The following AGAP1 variants were observed in gnomAD, a reference collection of about 807,000 sequenced individuals.
The protein encoded by AGAP1 is arf-GAP with GTPase, ANK repeat and PH domain-containing protein 1.
In AGAP1, 29 loss-of-function variants were observed where a neutral mutation model predicts 105.3. The observed-to-expected ratio is 0.28, with a 90% CI of 0.21 to 0.38. AGAP1 has a LOEUF of 0.38. Among genes scored for constraint, AGAP1 ranks in the 10% least tolerant of loss-of-function variants. The probability of loss-of-function intolerance (pLI) is 1.00; values close to 1 mark genes in which losing one functional copy is unlikely to be tolerated. For synonymous variants in AGAP1, 509 were observed against 485.9 expected (o/e 1.05, Z -0.63); for missense variants, 998 against 1,165.1 (o/e 0.86, Z 2.09).
At position 235,965,086 on chromosome 2, in the gene AGAP1, G is replaced by A. The variant is rs114681828; in HGVS notation, c.1484-3376G>A. On this transcript the variant is annotated intron_variant, in intron 12 of 17. Transcript: ENST00000304032. This position sits in a 1 kb window ranked among gnomAD's most constrained non-coding sequence, Gnocchi z 5.8. ...TACACCTCGGGTACAGTTAACCAAGGAGGTTTACCAGATGTCCACCGTGGA... is the reference window on the plus strand; with the variant it reads ...TACACCTCGGGTACAGTTAACCAAGAAGGTTTACCAGATGTCCACCGTGGA... Among the ~76,000 whole-genome samples, 3 of 152,244 alleles carry A rather than the reference G, an allele frequency of 2.0e-5. No individual in the cohort carries two copies. The highest frequency in any genetic ancestry group is 4.4e-5 in the Non-Finnish European group (3 of 68,048).
At chr2:235,641,267 G>T (rs1351779757) in intron 1 of AGAP1, among the ~76,000 whole-genome samples, 2 of 151,282 alleles carry the variant, frequency 1.3e-5, no homozygotes, top group Non-Finnish European at 2.9e-5. Context: ...AACTGCAGAT[G>T]TATGTGTAAG....
At chr2:235,921,223 TTATC>T (rs1268725188) in intron 11 of AGAP1, among the ~76,000 whole-genome samples, 1 of 152,178 alleles carries the variant, frequency 6.6e-6, no homozygotes, top group African/African-American at 2.4e-5. Context: ...GTGATATAAA[TTATC>T]TACATTAAAT....
At chr2:235,863,329 C>T (rs1384264688) in intron 9 of AGAP1, among the ~76,000 whole-genome samples, 1 of 152,212 alleles carries the variant, frequency 6.6e-6, no homozygotes, top group Non-Finnish European at 1.5e-5. Flanking sequence ...ATAAGTGAAT[C>T]TGAAGTTTAT....
rs1157160383 is a variant in AGAP1 at position 235,586,980 on chromosome 2, AAAAC to A, written c.163+92137_163+92140del. 6.6e-6 allele frequency among the ~76,000 whole-genome samples: 1 copy of A among 152,238 alleles called. No individual in the cohort carries two copies. The highest frequency in any genetic ancestry group is 6.5e-5 in the Admixed American group (1 of 15,284). On this transcript the variant is annotated intron_variant, in intron 1 of 17. Transcript: ENST00000304032. This position sits in a 1 kb window ranked among gnomAD's most constrained non-coding sequence, Gnocchi z 4.2. ...TAGGGTGGCAGTTTTGAGTCCCATG[AAAAC>A]AAACACATTTACTCTGTCTAGCTCC...
At chr2:235,758,248 T>G (rs1490842533) in intron 6 of AGAP1, among the ~76,000 whole-genome samples, 2 of 152,192 alleles carry the variant, frequency 1.3e-5, no homozygotes, top group Non-Finnish European at 2.9e-5. Context: ...GCACTTGATA[T>G]ATGTTGAAAA....
In AGAP1 at chr2:236,111,776, T is replaced by G. The variant is rs1308147296; in HGVS notation, c.2115-8416T>G. Among the ~76,000 whole-genome samples the G allele has an allele frequency of 3.1e-4, 41 of 131,890 alleles. 1 individual carries two copies. The highest frequency in any genetic ancestry group is 4.0e-3 in the Middle Eastern group (1 of 252). The allele number at this position is 131,890 out of a possible 152,430, so 86.5% of individuals were successfully genotyped here. On this transcript the variant is annotated intron_variant, in intron 16 of 17. Transcript: ENST00000304032. ...CACTGCGCTCCAGCCTAGGCAACAGTGCGACTCTATCTCAAAAAAAAAAAA... is the reference window on the plus strand; with the variant it reads ...CACTGCGCTCCAGCCTAGGCAACAGGGCGACTCTATCTCAAAAAAAAAAAA...
Position 235,769,943 on chromosome 2 carries a change from G to A in AGAP1, c.673+19455G>A, listed in dbSNP as rs555594471. On this transcript the variant is annotated intron_variant, in intron 6 of 17. Coordinates refer to ENST00000304032, the MANE Select transcript of AGAP1 (RefSeq NM_001037131.3). The surrounding 1 kb of genome is among the most constrained non-coding windows in gnomAD (Gnocchi z 4.4). Reference sequence around the variant, plus strand: ...TATTTCTATTAAGATACACACTTATGTATGTTTCATATATTAGCAAGTGTA... The same window carrying A: ...TATTTCTATTAAGATACACACTTATATATGTTTCATATATTAGCAAGTGTA... Among the ~76,000 whole-genome samples the A allele has an allele frequency of 2.6e-5, 4 of 152,116 alleles. No homozygotes were observed. Among genetic ancestry groups the A allele is most frequent in the Non-Finnish European group, 5.9e-5 (4 of 68,026 alleles).
intron 8 of AGAP1, among the ~76,000 whole-genome samples, chr2:235,802,347 T>A (rs1163901480): frequency 6.6e-6 from 1 of 152,192 alleles, no homozygotes; most frequent in Non-Finnish European, 1.5e-5. Context: ...CACCATTAAT[T>A]ATTTCACCAT....
At position 236,051,040 on chromosome 2, in the gene AGAP1, G is replaced by T. The variant is rs2057880606; in HGVS notation, c.2114+1759G>T. 6.6e-6 allele frequency among the ~76,000 whole-genome samples: 1 copy of T among 152,094 alleles called. No homozygotes were observed. Among genetic ancestry groups the T allele is most frequent in the Non-Finnish European group, 1.5e-5 (1 of 68,026 alleles). ...TTTTAGAGACCTATTGCAGAGACTT[G>T]CTTACTCCCAAGTGCAGTGGTTGCA... On this transcript the variant is annotated intron_variant, in intron 16 of 17. Transcript: ENST00000304032. The surrounding 1 kb of genome is among the most constrained non-coding windows in gnomAD (Gnocchi z 5.9).
Position 235,787,993 on chromosome 2 carries a change from A to AAG in AGAP1, c.674-9763_674-9762dup, listed in dbSNP as rs1356740005. 6.6e-6 allele frequency among the ~76,000 whole-genome samples: 1 copy of AAG among 152,186 alleles called. No homozygotes were observed. The highest frequency in any genetic ancestry group is 1.5e-5 in the Non-Finnish European group (1 of 68,030). On this transcript the variant is annotated intron_variant, in intron 6 of 17. Transcript: ENST00000304032. This position sits in a 1 kb window ranked among gnomAD's most constrained non-coding sequence, Gnocchi z 4.4. ...GCATGACCATGAACATTCTGGGACC[A>AAG]AGAGTTTGACCAAGTATTATACATT... is the stretch of plus-strand genomic sequence containing the variant.
intron 9 of AGAP1, among the ~76,000 whole-genome samples, chr2:235,814,945 A>G (rs1958365960): frequency 6.6e-6 from 1 of 152,038 alleles, no homozygotes; most frequent in Non-Finnish European, 1.5e-5. Context: ...GGCCGCACGG[A>G]GTGGATCTCC....
rs2055295784 is a variant in AGAP1, at chr2:235,985,910, C to T, written c.1645+17287C>T. Among the ~76,000 whole-genome samples the T allele has an allele frequency of 2.6e-5, 4 of 152,142 alleles. No individual in the cohort carries two copies. In the South Asian group the frequency reaches 6.2e-4, roughly 24 times the overall value. ...TTTGAAGTCATGTAGTGTGATGCCT[C>T]CAGATTTGTTCTTTTTGCTTAGGAT... On this transcript the variant is annotated intron_variant, in intron 13 of 17. Transcript: ENST00000304032.
In AGAP1 at chr2:236,073,764, GT is replaced by G. The variant is rs903048473; in HGVS notation, c.2114+24485del. ...GGTGGGGGTACAGGCAGGTCAGCTT[GT>G]TCACATGGGCTGCAAACATGGCTTT... On this transcript the variant is annotated intron_variant, in intron 16 of 17. Transcript: ENST00000304032. This position sits in a 1 kb window ranked among gnomAD's most constrained non-coding sequence, Gnocchi z 5.4. Among the ~76,000 whole-genome samples the G allele has an allele frequency of 6.6e-6, 1 of 152,092 alleles. No individual in the cohort carries two copies. The highest frequency in any genetic ancestry group is 6.5e-5 in the Admixed American group (1 of 15,270).
In AGAP1 at chr2:235,550,699, A is replaced by T. The variant is rs1314746704; in HGVS notation, c.163+55850A>T. ...TGGGGATCTCCGGGCATGATGCGGA[A>T]TGTAGTGACGATCGCAAATCCTTCC... On this transcript the variant is annotated intron_variant, in intron 1 of 17. Transcript: ENST00000304032. This position sits in a 1 kb window ranked among gnomAD's most constrained non-coding sequence, Gnocchi z 4.6. Among the ~76,000 whole-genome samples the T allele has an allele frequency of 6.6e-6, 1 of 152,218 alleles. No homozygotes were observed. The highest frequency in any genetic ancestry group is 1.5e-5 in the Non-Finnish European group (1 of 68,036).
Position 235,955,271 on chromosome 2 carries a change from G to A in AGAP1, c.1484-13191G>A, listed in dbSNP as rs139829557. 2.6e-5 allele frequency among the ~76,000 whole-genome samples: 4 copies of A among 152,198 alleles called. No individual in the cohort carries two copies. In the East Asian group the frequency reaches 5.8e-4, roughly 22 times the overall value. Reference sequence around the variant, plus strand: ...TGCTTCCTTCTTGTACCCTGGGTGCGGGCCATCCTGAGGAGCGGGGACCTC... The same window carrying A: ...TGCTTCCTTCTTGTACCCTGGGTGCAGGCCATCCTGAGGAGCGGGGACCTC... On this transcript the variant is annotated intron_variant, in intron 12 of 17. Transcript: ENST00000304032.
intron 1 of AGAP1, chr2:235,670,853 GC>G: frequency 7.1e-7 from 1 of 1,400,680 alleles, no homozygotes; most frequent in Non-Finnish European, 9.3e-7. Context: ...GCGCGCGCGG[GC>G]GGCGGCCGGG....
At chr2:235,856,428 G>A (rs1249117189) in intron 9 of AGAP1, among the ~76,000 whole-genome samples, 2 of 152,234 alleles carry the variant, frequency 1.3e-5, no homozygotes, top group East Asian at 1.9e-4. Context: ...GCCTGAGTCC[G>A]ATCCCTCTGG....
In AGAP1 at chr2:235,494,789, G is replaced by A; in HGVS notation, c.103G>A (p.Glu35Lys). 1 of 1,585,294 alleles carries A rather than the reference G, an allele frequency of 6.3e-7. No homozygotes were observed. The highest frequency in any genetic ancestry group is 8.6e-7 in the Non-Finnish European group (1 of 1,165,808). Residue 35 changes from glutamate (E) to lysine (K), a missense_variant, in exon 1 of 18, where the codon GAG becomes AAG. By Grantham distance (56) the Glu-to-Lys change is moderately conservative (BLOSUM62 1). Transcript: ENST00000304032. ...PNIYSIYELL[E>K]RVEEPVLQNQ... The stretch of plus-strand genomic sequence containing the variant: ...CATCTACTCCATCTACGAGCTGCTG[G>A]AGCGCGTGGAGGAGCCGGTGCTGCA...
At chr2:236,103,191 T>A (rs1166919532) in intron 16 of AGAP1, among the ~76,000 whole-genome samples, 6 of 152,032 alleles carry the variant, frequency 3.9e-5, no homozygotes, top group Admixed American at 1.3e-4. Context: ...TCTGTCCCGT[T>A]CCATCCTCCG....
Sources: gnomAD v4.1 joint callset for allele counts (sites outside exome capture counted in the v4.1 genomes callset) on GRCh38, gnomAD v4.1.1 for gene constraint, Gnocchi (gnomAD v3.1) non-coding constraint, MANE v1.5 for transcripts, NCBI Gene and HGNC (gene_info 2026-07-23, HGNC 2026-07-21) for gene names.